Variants in SGCZ observed in about 807,000 individuals in gnomAD.
SGCZ encodes the protein zeta-sarcoglycan.
In SGCZ, 40 loss-of-function variants were observed where a neutral mutation model predicts 41.3. The observed-to-expected ratio is 0.97, with a 90% CI of 0.75 to 1.26. SGCZ has a LOEUF of 1.26. Ranked by LOEUF, SGCZ falls within the 50% of genes most tolerant of loss-of-function variation. SGCZ has a pLI of 0.00. For synonymous variants in SGCZ, 206 were observed against 137.5 expected, an observed-to-expected ratio of 1.50 and a Z score of -3.49; for missense variants, 552 against 369.8, an observed-to-expected ratio of 1.49 and a Z score of -4.04.
At chr8:14,861,834 G>A (rs1413184216) in intron 1 of SGCZ, among the ~76,000 whole-genome samples, 1 of 151,922 alleles carries the variant, frequency 6.6e-6, no homozygotes, top group Non-Finnish European at 1.5e-5. Flanking sequence ...TTCTTCTTTG[G>A]TGAAAGCTGT....
At chr8:14,960,040 C>T (rs1003910754) in intron 1 of SGCZ, among the ~76,000 whole-genome samples, 1 of 152,154 alleles carries the variant, frequency 6.6e-6, no homozygotes, top group Non-Finnish European at 1.5e-5. Context: ...ATCTTTCACA[C>T]AACTGTGAAG....
In SGCZ at chr8:14,693,946, C is replaced by T. The variant is rs546153982; in HGVS notation, c.40-139020G>A. ...TCAGCCACACTGTACCATTAATATA[C>T]CTTATGCAGTTGAGCAGTTATGACC... On this transcript the variant is annotated intron_variant, in intron 1 of 7. Transcript: ENST00000382080. 3.3e-5 allele frequency among the ~76,000 whole-genome samples: 5 copies of T among 152,154 alleles called. No individual in the cohort carries two copies. In the East Asian group the frequency reaches 9.7e-4, roughly 30 times the overall value.
chr8:14,560,109 T>C (rs948361737), intron 1 of SGCZ, among the ~76,000 whole-genome samples: 3 of 151,986 alleles, frequency 2.0e-5, no homozygotes, highest in Non-Finnish European at 4.4e-5. Context: ...AAAATACAGT[T>C]CGATAGAAGG....
chr8:14,186,814 G>A (rs948314705), intron 4 of SGCZ, among the ~76,000 whole-genome samples: 2 of 152,124 alleles, frequency 1.3e-5, no homozygotes, highest in East Asian at 1.9e-4. Flanking sequence ...AAACTTCATC[G>A]GAGACATATT....
At chr8:15,060,009 T>C (rs998193623) in intron 1 of SGCZ, among the ~76,000 whole-genome samples, 8 of 152,194 alleles carry the variant, frequency 5.3e-5, no homozygotes, top group East Asian at 1.9e-4. Context: ...GACATCTCTA[T>C]ACTAGGCCAT....
chr8:14,590,914 A>G (rs1438702634), intron 1 of SGCZ, among the ~76,000 whole-genome samples: 1 of 149,836 alleles, frequency 6.7e-6, no homozygotes, highest in Admixed American at 6.7e-5. Context: ...TACATACACT[A>G]TATATGTCAT....
chr8:14,178,160 G>C (rs1345121483), intron 4 of SGCZ, among the ~76,000 whole-genome samples: 1 of 151,224 alleles, frequency 6.6e-6, no homozygotes, highest in Non-Finnish European at 1.5e-5. Context: ...CACCATGTTG[G>C]CCAGGCTGGT....
chr8:14,537,888 G>A (rs755500656), intron 2 of SGCZ, among the ~76,000 whole-genome samples: 9 of 151,884 alleles, frequency 5.9e-5, no homozygotes, highest in East Asian at 1.9e-4. Context: ...GAAATGAATC[G>A]ATAAAAATAG....
rs200114899 is a variant in SGCZ at position 14,428,101 on chromosome 8, TAC to T, written c.235-103899_235-103898del. On this transcript the variant is annotated intron_variant, in intron 2 of 7. Coordinates refer to ENST00000382080, the MANE Select transcript of SGCZ (RefSeq NM_139167.4). Reference sequence around the variant, plus strand: ...GCAGATACTGAAGAATGGTTGTATATACACACACACACACACACACACACACA... The same window carrying T: ...GCAGATACTGAAGAATGGTTGTATATACACACACACACACACACACACACA... 4.7e-4 allele frequency among the ~76,000 whole-genome samples: 59 copies of T among 124,478 alleles called. 1 individual carries two copies. Among genetic ancestry groups the T allele is most frequent in the African/African-American group, 1.7e-3 (52 of 29,962 alleles). 81.7% of individuals were successfully genotyped at this position (124,478 alleles called of 152,430 possible).
intron 1 of SGCZ, among the ~76,000 whole-genome samples, chr8:14,567,806 C>G (rs575739605): frequency 5.3e-5 from 8 of 152,148 alleles, no homozygotes; most frequent in African/African-American, 1.9e-4. Flanking sequence ...CACCTCCAGA[C>G]GCACCACCTT....
chr8:14,235,063 C>T (rs760113798), intron 4 of SGCZ, among the ~76,000 whole-genome samples: 6 of 152,208 alleles, frequency 3.9e-5, no homozygotes, highest in Non-Finnish European at 8.8e-5. Flanking sequence ...TTTGTAGACA[C>T]TGACAACACC....
intron 1 of SGCZ, among the ~76,000 whole-genome samples, chr8:14,575,964 A>T (rs1804699178): frequency 6.6e-6 from 1 of 151,562 alleles, no homozygotes; most frequent in Admixed American, 6.6e-5. Flanking sequence ...GAAAGAATTG[A>T]ATTACATTTT....
chr8:14,695,926 T>C (rs1219213001), intron 1 of SGCZ, among the ~76,000 whole-genome samples: 2 of 151,930 alleles, frequency 1.3e-5, no homozygotes, highest in African/African-American at 2.4e-5. Context: ...GCAACCAAGA[T>C]AAAAAAATAA....
chr8:14,332,272 A>G (rs1021290560), intron 2 of SGCZ, among the ~76,000 whole-genome samples: 1 of 151,974 alleles, frequency 6.6e-6, no homozygotes, highest in African/African-American at 2.4e-5. Flanking sequence ...CGTCTCTACT[A>G]AAAATAAAAT....
chr8:14,779,733 G>A (rs947727716), intron 1 of SGCZ, among the ~76,000 whole-genome samples: 1 of 152,112 alleles, frequency 6.6e-6, no homozygotes, highest in Non-Finnish European at 1.5e-5. Context: ...GGGTTTAGTT[G>A]GTGTGGGTGA....
chr8:15,231,214 T>C (rs1801927849), intron 1 of SGCZ, among the ~76,000 whole-genome samples: 1 of 152,202 alleles, frequency 6.6e-6, no homozygotes, highest in African/African-American at 2.4e-5. Flanking sequence ...TAATTAAAGC[T>C]TTTCTGGCTG....
chr8:14,470,310 T>G (rs1279144786), intron 2 of SGCZ, among the ~76,000 whole-genome samples: 1 of 152,200 alleles, frequency 6.6e-6, no homozygotes, highest in Non-Finnish European at 1.5e-5. Flanking sequence ...CTCCTCACTC[T>G]TTTATAATCT....
chr8:15,093,522 TC>T (rs1806226905), intron 1 of SGCZ, among the ~76,000 whole-genome samples: 1 of 152,244 alleles, frequency 6.6e-6, no homozygotes, highest in African/African-American at 2.4e-5. Flanking sequence ...TTTATTTTTT[TC>T]ATTTATATTA....
At chr8:14,120,276 T>G (rs957834669) in intron 5 of SGCZ, among the ~76,000 whole-genome samples, 6 of 152,132 alleles carry the variant, frequency 3.9e-5, no homozygotes, top group African/African-American at 1.4e-4. Context: ...AGAAAGATAT[T>G]AGAAGATAGA....
Sources: gnomAD v4.1 joint callset for allele counts (sites outside exome capture counted in the v4.1 genomes callset) on GRCh38, gnomAD v4.1.1 for gene constraint, MANE v1.5 for transcripts, NCBI Gene and HGNC (gene_info 2026-07-23, HGNC 2026-07-21) for gene names.